The following ADGRB3 variants were observed in gnomAD, a reference collection of about 807,000 sequenced individuals.
The protein encoded by ADGRB3 is brain-specific angiogenesis inhibitor 3.
Under a neutral mutation model 193.4 loss-of-function variants are expected in ADGRB3, and 37 were observed. The ratio of observed to expected loss-of-function variants is 0.19; its 90% CI spans 0.15 to 0.25. ADGRB3 has a LOEUF of 0.25. Ranked by LOEUF, ADGRB3 falls within the 10% of genes least tolerant of loss-of-function variation. The pLI is 1.00. For synonymous variants in ADGRB3, 690 were observed against 644.2 expected (o/e 1.07, Z -1.08); for missense variants, 1,637 against 1,852.9 (o/e 0.88, Z 2.14).
intron 3 of ADGRB3, among the ~76,000 whole-genome samples, chr6:68,927,315 T>G (rs1767208916): frequency 6.6e-6 from 1 of 152,136 alleles, no homozygotes; most frequent in Non-Finnish European, 1.5e-5. Flanking sequence ...TAAGAATCAT[T>G]TGAATATGAA....
intron 13 of ADGRB3, among the ~76,000 whole-genome samples, chr6:69,040,307 C>G (rs1013801994): frequency 2.1e-5 from 2 of 94,806 alleles, no homozygotes; most frequent in Non-Finnish European, 4.1e-5. Flanking sequence ...CTTTCTCTGT[C>G]TCTTTCTTTC....
intron 17 of ADGRB3, among the ~76,000 whole-genome samples, chr6:69,099,152 G>A (rs1287802224): frequency 1.3e-5 from 2 of 152,164 alleles, no homozygotes; most frequent in Non-Finnish European, 2.9e-5. Flanking sequence ...ACATTTAGTA[G>A]GTAGAAGTCT....
At chr6:69,033,592 T>TGG (rs1199599584) in intron 13 of ADGRB3, among the ~76,000 whole-genome samples, 2 of 152,184 alleles carry the variant, frequency 1.3e-5, no homozygotes, top group Non-Finnish European at 2.9e-5. Context: ...ATTTCTTATA[T>TGG]GGCTAGTTTA....
At chr6:69,002,949 GTGTGATGAGTAAGAGTAC>G (rs1240194376) in intron 11 of ADGRB3, among the ~76,000 whole-genome samples, 4 of 152,160 alleles carry the variant, frequency 2.6e-5, no homozygotes, top group Non-Finnish European at 4.4e-5. Flanking sequence ...GGGGAGTAGG[GTGTGATGAGTAAGAGTAC>G]TTGCTCTGAC....
chr6:68,784,781 A>G (rs1290437764), intron 3 of ADGRB3, among the ~76,000 whole-genome samples: 1 of 152,112 alleles, frequency 6.6e-6, no homozygotes, highest in Non-Finnish European at 1.5e-5. Flanking sequence ...GTATGCACTC[A>G]TTTGAGTTAT....
At chr6:68,754,677 G>A (rs1766265433) in intron 3 of ADGRB3, among the ~76,000 whole-genome samples, 1 of 151,990 alleles carries the variant, frequency 6.6e-6, no homozygotes, top group African/African-American at 2.4e-5. Context: ...AAGTCTAGAT[G>A]GGACTCCCTC....
In ADGRB3 at chr6:68,757,758, T is replaced by A. The variant is rs139665687; in HGVS notation, c.757+118326T>A. 7.6e-4 allele frequency among the ~76,000 whole-genome samples: 116 copies of A among 152,228 alleles called. 1 individual carries two copies. The highest frequency in any genetic ancestry group is 2.7e-3 in the African/African-American group (111 of 41,562). The stretch of plus-strand genomic sequence containing the variant: ...TTTCTCTTTCAAAATAATACCCATA[T>A]CTTATTGTGTCCCTAGAAAACTCCT... On this transcript the variant is annotated intron_variant, in intron 3 of 31. Transcript: ENST00000370598.
intron 17 of ADGRB3, among the ~76,000 whole-genome samples, chr6:69,135,981 T>C (rs1774138681): frequency 6.6e-6 from 1 of 152,074 alleles, no homozygotes; most frequent in African/African-American, 2.4e-5. Context: ...CCAGGGAAGG[T>C]AGAAAATCTC....
chr6:68,716,289 T>C (rs942461280), intron 3 of ADGRB3, among the ~76,000 whole-genome samples: 1 of 151,704 alleles, frequency 6.6e-6, no homozygotes, highest in Non-Finnish European at 1.5e-5. Context: ...TATGTGGAGA[T>C]TTATTTATTT....
At chr6:69,331,275 A>G (rs1377164747) in intron 23 of ADGRB3, among the ~76,000 whole-genome samples, 3 of 152,180 alleles carry the variant, frequency 2.0e-5, no homozygotes, top group African/African-American at 4.8e-5. Context: ...AACTACGGTA[A>G]TGTGAAATAT....
At chr6:68,831,019 C>A (rs553815218) in intron 3 of ADGRB3, among the ~76,000 whole-genome samples, 1 of 150,514 alleles carries the variant, frequency 6.6e-6, no homozygotes, top group South Asian at 2.1e-4. Context: ...ACATTTAATG[C>A]TGAATTTTAA....
intron 20 of ADGRB3, among the ~76,000 whole-genome samples, chr6:69,256,358 T>G (rs1766771443): frequency 6.6e-6 from 1 of 152,206 alleles, no homozygotes; most frequent in African/African-American, 2.4e-5. Flanking sequence ...TTCCATTTGT[T>G]TGTATCCTCT....
intron 3 of ADGRB3, among the ~76,000 whole-genome samples, chr6:68,704,662 T>C (rs537247170): frequency 5.3e-5 from 8 of 152,352 alleles, no homozygotes; most frequent in African/African-American, 1.9e-4. Context: ...TCCAGTTTAA[T>C]TGGAGTCCAC....
rs117947260 is a variant in ADGRB3, at chr6:68,943,264, G to A, written c.1031-566G>A. Among the ~76,000 whole-genome samples, 56 of 152,102 alleles carry A rather than the reference G, an allele frequency of 3.7e-4. No homozygotes were observed. In the East Asian group the frequency reaches 0.01, roughly 28 times the overall value. The stretch of plus-strand genomic sequence containing the variant: ...TGAAATTCTTTTTATTCAAAATATG[G>A]TAACTTTAAACCCACATTTTTAAAT... On this transcript the variant is annotated intron_variant, in intron 5 of 31. Transcript: ENST00000370598.
chr6:69,084,193 T>C (rs1562152162), intron 17 of ADGRB3, among the ~76,000 whole-genome samples: 1 of 152,176 alleles, frequency 6.6e-6, no homozygotes, highest in Admixed American at 6.6e-5. Flanking sequence ...CCACGGTGAT[T>C]GTTATCCCAA....
At chr6:69,228,427 G>C (rs538686753) in intron 17 of ADGRB3, among the ~76,000 whole-genome samples, 2 of 152,286 alleles carry the variant, frequency 1.3e-5, no homozygotes, top group African/African-American at 4.8e-5. Flanking sequence ...CAAGGTGAAC[G>C]TATCAACTAA....
chr6:68,659,337 AAAG>A (rs1293786917), intron 3 of ADGRB3, among the ~76,000 whole-genome samples: 2 of 150,952 alleles, frequency 1.3e-5, no homozygotes, highest in Non-Finnish European at 3.0e-5. Context: ...TCTAAAAAAA[AAAG>A]ACAATTCAGA....
At chr6:69,383,105 A>G (rs1397425966) in intron 31 of ADGRB3, among the ~76,000 whole-genome samples, 170 bp downstream of exon 31, 1 of 152,004 alleles carries the variant, frequency 6.6e-6, no homozygotes, top group Non-Finnish European at 1.5e-5. Context: ...ATTAGGAATG[A>G]CAGAATCTTT....
chr6:69,011,167 G>GTGTGTGTGTGTGTA (rs531482642), intron 11 of ADGRB3, among the ~76,000 whole-genome samples: 13 of 143,052 alleles, frequency 9.1e-5, no homozygotes, highest in African/African-American at 3.1e-4. Flanking sequence ...GTGTGTGTGT[G>GTGTGTGTGTGTGTA]TATATATATA....
Sources: allele counts gnomAD v4.1 joint callset (sites outside exome capture counted in the v4.1 genomes callset), GRCh38; gene constraint gnomAD v4.1.1; transcripts MANE v1.5; gene names NCBI Gene and HGNC (gene_info 2026-07-23, HGNC 2026-07-21).